The following ATP6V0A1 variants were observed in gnomAD, a reference collection of about 807,000 sequenced individuals.
ATP6V0A1 encodes the protein V-type proton ATPase 116 kDa subunit a 1.
ATP6V0A1 carries 43 observed loss-of-function variants against 105.4 expected under a neutral mutation model. The ratio of observed to expected loss-of-function variants is 0.41; its 90% CI spans 0.32 to 0.53. The LOEUF (loss-of-function observed/expected upper bound fraction) is 0.53, where lower values mean the gene tolerates loss of function less well. Ranked by LOEUF, ATP6V0A1 falls within the 20% of genes least tolerant of loss-of-function variation. ATP6V0A1 has a pLI of 0.30. For missense variants in ATP6V0A1, 676 were observed against 1,051.1 expected, an observed-to-expected ratio of 0.64 and a Z score of 4.93; for synonymous variants, 362 against 372.8, an observed-to-expected ratio of 0.97 and a Z score of 0.33.
At chr17:42,484,039 G>GT (rs1598846307) in intron 9 of ATP6V0A1, among the ~76,000 whole-genome samples, 3 of 151,484 alleles carry the variant, frequency 2.0e-5, no homozygotes, top group African/African-American at 2.4e-5. Context: ...AGTTTTTTTT[G>GT]TTTTTTGTTT....
At chr17:42,462,023 A>G (rs1257919507) in intron 2 of ATP6V0A1, among the ~76,000 whole-genome samples, 3 of 149,356 alleles carry the variant, frequency 2.0e-5, no homozygotes, top group African/African-American at 7.4e-5. Context: ...TCTGGGCAAC[A>G]TAGGGAGATC....
chr17:42,517,077 C>T (rs2092656911), intron 21 of ATP6V0A1, among the ~76,000 whole-genome samples: 2 of 152,136 alleles, frequency 1.3e-5, no homozygotes, highest in South Asian at 4.2e-4. Context: ...GTCAGGAGTT[C>T]GAGACCAGCC....
chr17:42,459,090 G>A (rs1486906536), intron 1 of ATP6V0A1, 127 bp downstream of exon 1: 1 of 152,252 alleles, frequency 6.6e-6, no homozygotes. Flanking sequence ...ATAAAATGGG[G>A]GTTCGCCCCC....
chr17:42,494,260 A>C, intron 11 of ATP6V0A1, 74 bp from the exon 12 acceptor site: 1 of 1,440,966 alleles, frequency 6.9e-7, no homozygotes. Flanking sequence ...GTGGGTATGG[A>C]AAAGAATGTA....
At chr17:42,498,822 C>T in intron 14 of ATP6V0A1, 102 bp from the exon 15 acceptor site, 1 of 793,952 alleles carries the variant, frequency 1.3e-6, no homozygotes, top group Non-Finnish European at 2.0e-6. Context: ...CGAGACTCGT[C>T]TCTAAATAAA....
At chr17:42,491,846 T>C (rs918121175) in intron 11 of ATP6V0A1, among the ~76,000 whole-genome samples, 1 of 151,822 alleles carries the variant, frequency 6.6e-6, no homozygotes, top group African/African-American at 2.4e-5. Flanking sequence ...CTCGATCTCC[T>C]GACCTCATGA....
chr17:42,489,144 C>T (rs2090396027), intron 10 of ATP6V0A1, among the ~76,000 whole-genome samples: 1 of 149,620 alleles, frequency 6.7e-6, no homozygotes, highest in East Asian at 2.0e-4. Context: ...ATGATCTCGG[C>T]TCACTGCAAC....
At chr17:42,499,409 C>T (rs7212055) in intron 15 of ATP6V0A1, among the ~76,000 whole-genome samples, 146,091 of 152,032 alleles carry the variant, frequency 0.96, 70,461 homozygotes, top group East Asian at 1. Flanking sequence ...AGGCAGAGGT[C>T]GCAGTGAGAC....
Position 42,500,849 on chromosome 17 carries a change from C to T in ATP6V0A1, c.1822C>T (p.Leu608Phe). 1 of 1,614,154 alleles carries T rather than the reference C, an allele frequency of 6.2e-7. No individual in the cohort carries two copies. Among genetic ancestry groups the T allele is most frequent in the Non-Finnish European group, 8.5e-7 (1 of 1,179,976 alleles). ...TCATACCTCTGAGAATGCACCAAGCCTTCTGATCCATTTCATAAACATGTT... is the reference window on the plus strand; with the variant it reads ...TCATACCTCTGAGAATGCACCAAGCTTTCTGATCCATTTCATAAACATGTT... ...DAHTSENAPS[L>F]LIHFINMFLF... Residue 608 changes from leucine (L) to phenylalanine (F), a missense_variant, in exon 16 of 22, where the codon CTT becomes TTT. By Grantham distance (22) the Leu-to-Phe change is conservative. Coordinates refer to ENST00000343619, the MANE Select transcript of ATP6V0A1 (RefSeq NM_001130021.3).
chr17:42,519,648 T>TG (rs1396295834), intron 21 of ATP6V0A1: 1 of 152,154 alleles, frequency 6.6e-6, no homozygotes, highest in Non-Finnish European at 1.5e-5. Context: ...GAAGTAGTTT[T>TG]GGTGGGGTGT....
chr17:42,514,012 T>C, intron 20 of ATP6V0A1, 34 bp downstream of exon 20: 1 of 1,591,810 alleles, frequency 6.3e-7, no homozygotes, highest in Non-Finnish European at 8.6e-7. Context: ...GGAACTCTAG[T>C]TTCCCCCTCT....
At chr17:42,497,691 G>C (rs921565700) in intron 14 of ATP6V0A1, among the ~76,000 whole-genome samples, 5 of 143,466 alleles carry the variant, frequency 3.5e-5, no homozygotes, top group African/African-American at 1.3e-4. Flanking sequence ...AAAAAAAAAA[G>C]AAATCATTGT....
At chr17:42,460,569 G>T in intron 1 of ATP6V0A1, 2 of 244,564 alleles carry the variant, frequency 8.2e-6, no homozygotes, top group South Asian at 1.1e-4. Flanking sequence ...CTTTAATCTG[G>T]ATACATTCTT....
intron 13 of ATP6V0A1, 102 bp downstream of exon 13, chr17:42,495,290 C>T (rs765077771): frequency 2.7e-5 from 34 of 1,250,058 alleles, no homozygotes; most frequent in Non-Finnish European, 3.9e-5. Flanking sequence ...GAAGTGGTGA[C>T]AGTGTCTCCT....
intron 8 of ATP6V0A1, among the ~76,000 whole-genome samples, chr17:42,482,097 T>A: frequency 6.6e-6 from 1 of 152,132 alleles, no homozygotes; most frequent in Non-Finnish European, 1.5e-5. Context: ...CCGCCTCAGC[T>A]CTCAAAGTAC....
rs1296257080 is a variant in ATP6V0A1 at position 42,474,226 on chromosome 17, A to G, written c.424-3434A>G. Among the ~76,000 whole-genome samples, 3 of 151,132 alleles carry G rather than the reference A, an allele frequency of 2.0e-5. No homozygotes were observed. The South Asian group carries it at 6.3e-4, about 32-fold the overall frequency. ...ACCATATTGGCCAGGCTGGTCTCGA[A>G]CTCTGACCTCGTGATCTAGCTGCCT... is the stretch of plus-strand genomic sequence containing the variant. On this transcript the variant is annotated intron_variant, in intron 5 of 21. Coordinates refer to ENST00000343619, the MANE Select transcript of ATP6V0A1 (RefSeq NM_001130021.3).
chr17:42,492,318 G>A (rs772337459), intron 11 of ATP6V0A1, among the ~76,000 whole-genome samples: 7 of 152,134 alleles, frequency 4.6e-5, no homozygotes, highest in Non-Finnish European at 1.0e-4. Flanking sequence ...GCAGTGAACC[G>A]ACATCATGCC....
intron 11 of ATP6V0A1, 115 bp downstream of exon 11, chr17:42,490,752 G>T: frequency 8.5e-7 from 1 of 1,170,910 alleles, no homozygotes; most frequent in Non-Finnish European, 1.2e-6. Flanking sequence ...GCAGCAGCAC[G>T]ACTGTAGTTC....
In ATP6V0A1 at chr17:42,514,405, A is replaced by G; in HGVS notation, c.2365A>G (p.Ile789Val). 1 of 1,613,474 alleles carries G rather than the reference A, an allele frequency of 6.2e-7. No homozygotes were observed. The highest frequency in any genetic ancestry group is 8.5e-7 in the Non-Finnish European group (1 of 1,179,706). ...FTAFATLTVA[I>V]LLIMEGLSAF... ...TGCCTTTGCCACCCTGACCGTGGCCATCCTCCTGATCATGGAGGGCCTCTC... is the reference window on the plus strand; with the variant it reads ...TGCCTTTGCCACCCTGACCGTGGCCGTCCTCCTGATCATGGAGGGCCTCTC... The change falls in exon 21 of 22, where the codon ATC (isoleucine) becomes GTC (valine). Residue 789 changes from isoleucine to valine, a missense_variant. Physicochemically the swap from Ile to Val is conservative, Grantham distance 29 (BLOSUM62 3). This residue lies in a region of ATP6V0A1 where 435 missense variants were observed against 642.2 expected (regional missense o/e 0.68). Transcript: ENST00000343619.
Sources: allele counts gnomAD v4.1 joint callset (sites outside exome capture counted in the v4.1 genomes callset), GRCh38; gene constraint gnomAD v4.1.1; regional missense constraint gnomAD v4.1.1; transcripts MANE v1.5; gene names NCBI Gene and HGNC (gene_info 2026-07-23, HGNC 2026-07-21).